NAALADL2: variants seen among roughly 807,000 people sequenced by gnomAD.
The protein encoded by NAALADL2 is N-acetylated alpha-linked acidic dipeptidase like 2.
In NAALADL2, 76 loss-of-function variants were observed where a neutral mutation model predicts 87.2. The observed-to-expected ratio is 0.87, with a 90% CI of 0.72 to 1.05. NAALADL2 has a LOEUF of 1.05. NAALADL2 is among the 50% of genes least tolerant of loss of function. The probability of loss-of-function intolerance (pLI) is 0.00; values close to 1 mark genes in which losing one functional copy is unlikely to be tolerated. For synonymous variants in NAALADL2, 354 were observed against 331.0 expected (o/e 1.07, Z -0.75); for missense variants, 1,089 against 945.8 (o/e 1.15, Z -1.99).
chr3:174,654,239 G>A (rs949052948), intron 2 of NAALADL2, among the ~76,000 whole-genome samples: 2 of 152,130 alleles, frequency 1.3e-5, no homozygotes, highest in African/African-American at 2.4e-5. Flanking sequence ...GTTAAGGTCT[G>A]AGTGTGTGCC....
At chr3:175,208,911 G>C (rs1741361740) in intron 2 of NAALADL2, among the ~76,000 whole-genome samples, 1 of 152,156 alleles carries the variant, frequency 6.6e-6, no homozygotes. Context: ...TTGCATTTTA[G>C]AATGTTTGCC....
intron 1 of NAALADL2, among the ~76,000 whole-genome samples, chr3:174,452,933 A>T (rs781638214): frequency 4.4e-4 from 67 of 152,158 alleles, no homozygotes; most frequent in Non-Finnish European, 8.1e-4. Flanking sequence ...ACTGGGACTG[A>T]GATGACTGAC....
rs1406456245 is a variant in NAALADL2, at chr3:175,212,769, G to A, written c.546-21162G>A. ...GAGCAGCTCTAAAATAAATGTAAAA[G>A]CCTATTTTTACCTAGACTTAAAGAA... On this transcript the variant is annotated intron_variant, in intron 2 of 13. Transcript: ENST00000454872. Among the ~76,000 whole-genome samples the A allele has an allele frequency of 2.6e-5, 4 of 152,068 alleles. No individual in the cohort carries two copies. The East Asian group carries it at 7.7e-4, about 29-fold the overall frequency.
chr3:175,004,231 A>AGTAT (rs796165900), intron 1 of NAALADL2, among the ~76,000 whole-genome samples: 8 of 152,068 alleles, frequency 5.3e-5, no homozygotes, highest in African/African-American at 1.4e-4. Flanking sequence ...TAAGTAAGTA[A>AGTAT]ATAAATAAAT....
intron 1 of NAALADL2, among the ~76,000 whole-genome samples, chr3:174,957,538 G>C (rs777735247): frequency 2.8e-4 from 43 of 151,926 alleles, no homozygotes; most frequent in Non-Finnish European, 5.0e-4. Context: ...GGTATATCCC[G>C]GATAGCTTCT....
At chr3:174,914,052 C>T (rs2108315181) in intron 1 of NAALADL2, among the ~76,000 whole-genome samples, 1 of 149,280 alleles carries the variant, frequency 6.7e-6, no homozygotes, top group Non-Finnish European at 1.5e-5. Flanking sequence ...TATATATATT[C>T]CTTTTCTTTT....
chr3:174,940,648 AT>A, intron 1 of NAALADL2, among the ~76,000 whole-genome samples: 1 of 151,798 alleles, frequency 6.6e-6, no homozygotes, highest in East Asian at 1.9e-4. Flanking sequence ...GGTTCTGAGC[AT>A]TTTTTTGGTT....
chr3:175,439,831 TG>T (rs1719435893), intron 5 of NAALADL2, among the ~76,000 whole-genome samples: 1 of 151,668 alleles, frequency 6.6e-6, no homozygotes, highest in Non-Finnish European at 1.5e-5. Context: ...TCCCACTTGG[TG>T]GGTTGTCTGT....
intron 5 of NAALADL2, among the ~76,000 whole-genome samples, chr3:175,390,359 G>A (rs1768930430): frequency 1.3e-5 from 2 of 152,128 alleles, no homozygotes; most frequent in South Asian, 2.1e-4. Context: ...GAAAGAAGTG[G>A]TAGTAGATAT....
chr3:175,422,593 C>T (rs188203233), intron 5 of NAALADL2, among the ~76,000 whole-genome samples: 6 of 151,984 alleles, frequency 3.9e-5, no homozygotes, highest in Admixed American at 2.6e-4. Context: ...AAAAAAAAAT[C>T]TTTTATTTGT....
intron 1 of NAALADL2, among the ~76,000 whole-genome samples, chr3:174,870,570 A>G (rs144935805): frequency 1.3e-5 from 2 of 149,690 alleles, no homozygotes; most frequent in Non-Finnish European, 3.0e-5. Flanking sequence ...TCTTGTTATT[A>G]TTATCAATAA....
intron 4 of NAALADL2, among the ~76,000 whole-genome samples, chr3:175,298,205 T>C (rs937531175): frequency 1.3e-5 from 2 of 152,158 alleles, no homozygotes; most frequent in African/African-American, 2.4e-5. Flanking sequence ...CTGTTGCCCA[T>C]TCAAAATCAA....
intron 1 of NAALADL2, among the ~76,000 whole-genome samples, chr3:174,971,979 T>C (rs1030413278): frequency 9.2e-5 from 14 of 152,194 alleles, no homozygotes; most frequent in African/African-American, 2.9e-4. Context: ...ATTACAGGCA[T>C]GAGCCACCGC....
chr3:174,968,086 A>G (rs1743120649), intron 1 of NAALADL2, among the ~76,000 whole-genome samples: 1 of 152,216 alleles, frequency 6.6e-6, no homozygotes, highest in African/African-American at 2.4e-5. Context: ...ACTACTGTTT[A>G]GAAATATTTA....
chr3:175,319,495 C>A (rs1231913461), intron 4 of NAALADL2, among the ~76,000 whole-genome samples: 3 of 152,118 alleles, frequency 2.0e-5, no homozygotes. Context: ...AGGAGGGCTT[C>A]CCAAATATTT....
intron 7 of NAALADL2, among the ~76,000 whole-genome samples, chr3:175,466,228 C>G (rs529473503): frequency 1.3e-5 from 2 of 152,086 alleles, no homozygotes; most frequent in South Asian, 4.1e-4. Context: ...CAGATAAATT[C>G]AGATATGTTA....
At chr3:175,715,267 A>G (rs915074906) in intron 11 of NAALADL2, among the ~76,000 whole-genome samples, 6 of 152,152 alleles carry the variant, frequency 3.9e-5, no homozygotes, top group South Asian at 2.1e-4. Context: ...ACTCTGCTCT[A>G]TTCTAGTAGA....
intron 5 of NAALADL2, among the ~76,000 whole-genome samples, chr3:175,413,300 G>T (rs547205389): frequency 1.3e-5 from 2 of 151,002 alleles, no homozygotes; most frequent in African/African-American, 2.4e-5. Flanking sequence ...GGCCGAGCGC[G>T]GTGGCTCATG....
chr3:175,445,914 C>T (rs1200551644), intron 5 of NAALADL2, among the ~76,000 whole-genome samples: 7 of 152,130 alleles, frequency 4.6e-5, no homozygotes, highest in African/African-American at 1.4e-4. Context: ...GCTCTGCTGA[C>T]CGCCTGCCAT....
Sources: gnomAD v4.1 joint callset for allele counts (sites outside exome capture counted in the v4.1 genomes callset) on GRCh38, gnomAD v4.1.1 for gene constraint, MANE v1.5 for transcripts, NCBI Gene and HGNC (gene_info 2026-07-23, HGNC 2026-07-21) for gene names.